Variants in FNDC3A observed in about 807,000 individuals in gnomAD.
FNDC3A encodes fibronectin type III domain containing 3A.
Under a neutral mutation model 148.9 loss-of-function variants are expected in FNDC3A, and 32 were observed. The observed-to-expected ratio is 0.21, with a 90% confidence interval of 0.16 to 0.29. FNDC3A has a LOEUF of 0.29. Ranked by LOEUF, FNDC3A falls within the 10% of genes least tolerant of loss-of-function variation. FNDC3A has a pLI of 1.00. For missense variants in FNDC3A, 1,191 were observed against 1,452.8 expected, an observed-to-expected ratio of 0.82 and a Z score of 2.93; for synonymous variants, 472 against 473.6, an observed-to-expected ratio of 1.00 and a Z score of 0.04.
At chr13:48,979,469 G>A (rs1951660920) in intron 1 of FNDC3A, among the ~76,000 whole-genome samples, 1 of 152,102 alleles carries the variant, frequency 6.6e-6, no homozygotes, top group Non-Finnish European at 1.5e-5. Flanking sequence ...TTCACAGGCA[G>A]AGTTGGAAGT....
intron 4 of FNDC3A, among the ~76,000 whole-genome samples, chr13:49,121,589 A>T (rs1189883764): frequency 6.6e-6 from 1 of 152,190 alleles, no homozygotes; most frequent in Non-Finnish European, 1.5e-5. Flanking sequence ...AACAAAATAG[A>T]TAGACCACTA....
At chr13:49,131,046 A>G (rs1219399372) in intron 4 of FNDC3A, 91 bp from the exon 5 acceptor site, 3 of 972,826 alleles carry the variant, frequency 3.1e-6, no homozygotes, top group South Asian at 1.4e-5. Flanking sequence ...GACTAGAGGC[A>G]TGAGCTACCG....
At chr13:48,995,166 CA>C (rs1221901337) in intron 1 of FNDC3A, among the ~76,000 whole-genome samples, 7 of 152,322 alleles carry the variant, frequency 4.6e-5, no homozygotes, top group African/African-American at 1.7e-4. Flanking sequence ...CCTCCTGCTT[CA>C]GCTTCTTAAA....
intron 2 of FNDC3A, among the ~76,000 whole-genome samples, chr13:49,073,029 G>A (rs190535777): frequency 2.5e-4 from 38 of 152,182 alleles, no homozygotes; most frequent in Admixed American, 2.2e-3. Context: ...CACTTACAGC[G>A]CATATCCATA....
intron 2 of FNDC3A, among the ~76,000 whole-genome samples, chr13:49,066,403 A>G (rs1490907473): frequency 6.6e-6 from 1 of 152,214 alleles, no homozygotes; most frequent in Non-Finnish European, 1.5e-5. Context: ...CCTAAAGAGT[A>G]TCTGGCATTT....
intron 8 of FNDC3A, among the ~76,000 whole-genome samples, chr13:49,153,845 T>A (rs1217868120): frequency 8.6e-6 from 1 of 116,256 alleles, no homozygotes; most frequent in East Asian, 2.3e-4. Flanking sequence ...GCGGCGTTAT[T>A]TCTGAGGGCT....
At chr13:49,180,504 A>G (rs893610254) in intron 14 of FNDC3A, among the ~76,000 whole-genome samples, 2 of 152,166 alleles carry the variant, frequency 1.3e-5, no homozygotes, top group African/African-American at 4.8e-5. Flanking sequence ...TACCTGAGAA[A>G]TAGGCACATC....
intron 3 of FNDC3A, among the ~76,000 whole-genome samples, chr13:49,088,590 G>A (rs945961346): frequency 2.0e-5 from 3 of 152,142 alleles, no homozygotes; most frequent in African/African-American, 7.2e-5. Context: ...TGAACCAGTA[G>A]CATTCGACCC....
At chr13:49,039,716 GT>G (rs1328030207) in intron 2 of FNDC3A, among the ~76,000 whole-genome samples, 1 of 151,614 alleles carries the variant, frequency 6.6e-6, no homozygotes, top group Non-Finnish European at 1.5e-5. Flanking sequence ...TTTGTTTTTT[GT>G]TTTTTGTTTT....
At chr13:49,158,205 G>A (rs924345019) in intron 8 of FNDC3A, among the ~76,000 whole-genome samples, 1 of 152,236 alleles carries the variant, frequency 6.6e-6, no homozygotes, top group Non-Finnish European at 1.5e-5. Flanking sequence ...CGAGCCAGGT[G>A]CAGGATATAA....
chr13:49,066,991 T>C (rs994296941), intron 2 of FNDC3A, among the ~76,000 whole-genome samples: 1 of 152,156 alleles, frequency 6.6e-6, no homozygotes, highest in African/African-American at 2.4e-5. Flanking sequence ...GAGAAGACTT[T>C]ATGGGCAAAA....
chr13:49,023,038 A>G (rs1566197771), intron 2 of FNDC3A, among the ~76,000 whole-genome samples: 1 of 152,056 alleles, frequency 6.6e-6, no homozygotes, highest in Non-Finnish European at 1.5e-5. Context: ...ACACATATTC[A>G]GGTTCTGTCT....
chr13:49,080,937 A>G (rs1473615575), intron 3 of FNDC3A, among the ~76,000 whole-genome samples: 1 of 152,220 alleles, frequency 6.6e-6, no homozygotes, highest in Non-Finnish European at 1.5e-5. Context: ...TACAGAAATA[A>G]TTGAAGGCAG....
At chr13:49,162,451 G>A (rs1884199148) in intron 8 of FNDC3A, among the ~76,000 whole-genome samples, 1 of 152,140 alleles carries the variant, frequency 6.6e-6, no homozygotes, top group African/African-American at 2.4e-5. Context: ...ATGGTTTTCA[G>A]CTCCATCAGA....
At chr13:49,019,371 G>T (rs1052759843) in intron 2 of FNDC3A, among the ~76,000 whole-genome samples, 2 of 152,232 alleles carry the variant, frequency 1.3e-5, no homozygotes, top group Admixed American at 6.5e-5. Flanking sequence ...TTTTCCAGGT[G>T]CCGTCTGTCA....
At chr13:49,089,791 A>G (rs1037830801) in intron 3 of FNDC3A, among the ~76,000 whole-genome samples, 13 of 152,232 alleles carry the variant, frequency 8.5e-5, no homozygotes, top group Non-Finnish European at 1.6e-4. Flanking sequence ...CAGTTACACC[A>G]TACCCAGACT....
intron 4 of FNDC3A, among the ~76,000 whole-genome samples, chr13:49,125,525 C>CA (rs1266254046): frequency 1.3e-5 from 2 of 151,916 alleles, no homozygotes; most frequent in Non-Finnish European, 2.9e-5. Context: ...AAGTAGGTTG[C>CA]AAAAAGTAGA....
chr13:49,143,896 A>T (rs147807201), intron 7 of FNDC3A, among the ~76,000 whole-genome samples: 70 of 151,966 alleles, frequency 4.6e-4, no homozygotes, highest in African/African-American at 1.6e-3. Flanking sequence ...TGTAATTCCA[A>T]CACTTTGGGA....
rs1310346750 is a variant in FNDC3A, at chr13:49,010,871, T to G, written c.99+4582T>G. 5.3e-5 allele frequency among the ~76,000 whole-genome samples: 8 copies of G among 152,230 alleles called. No homozygotes were observed. In the South Asian group the frequency reaches 1.7e-3, roughly 32 times the overall value. On this transcript the variant is annotated intron_variant, in intron 2 of 25. Transcript: ENST00000492622. Reference sequence around the variant, plus strand: ...ACAACAATACTGTAGTTTTGCCAATTCTTGATATTTACATAAATTAAACTT... The same window carrying G: ...ACAACAATACTGTAGTTTTGCCAATGCTTGATATTTACATAAATTAAACTT...
Sources: allele counts gnomAD v4.1 joint callset (sites outside exome capture counted in the v4.1 genomes callset), GRCh38; gene constraint gnomAD v4.1.1; transcripts MANE v1.5; gene names NCBI Gene and HGNC (gene_info 2026-07-23, HGNC 2026-07-21).